GCKR: variants seen among roughly 807,000 people sequenced by gnomAD.
The protein encoded by GCKR is glucokinase regulator, also known as glucokinase regulatory protein.
Under a neutral mutation model 82.9 loss-of-function variants are expected in GCKR, and 73 were observed. The observed-to-expected ratio is 0.88, with a 90% confidence interval of 0.73 to 1.07. The LOEUF (loss-of-function observed/expected upper bound fraction) is 1.07, where lower values mean the gene tolerates loss of function less well. Among genes scored for constraint, GCKR ranks in the 50% least tolerant of loss-of-function variants. GCKR has a pLI of 0.00. For synonymous variants in GCKR, 294 were observed against 291.8 expected, an observed-to-expected ratio of 1.01 and a Z score of -0.08; for missense variants, 784 against 782.1, an observed-to-expected ratio of 1.00 and a Z score of -0.03.
At chr2:27,511,176 C>G (rs192065670) in intron 16 of GCKR, among the ~76,000 whole-genome samples, 1 of 151,912 alleles carries the variant, frequency 6.6e-6, no homozygotes, top group South Asian at 2.1e-4. Flanking sequence ...TACAGGCACA[C>G]GCCTCTATGC....
At position 27,503,540 on chromosome 2, in the gene GCKR, C is replaced by T. The variant is rs987416895; in HGVS notation, c.671C>T (p.Ser224Leu). The part of the protein sequence containing the change: ...ARNDPIEDWS[S>L]TFRQVAERMQ... The stretch of plus-strand genomic sequence containing the variant: ...AATGACCCCATTGAAGACTGGAGTT[C>T]AACATTCCGACAAGTAGCAGAGCGG... Residue 224 changes from serine to leucine, a missense_variant, in exon 9 of 19, where the codon TCA (serine) becomes TTA (leucine). Coordinates refer to ENST00000264717, the MANE Select transcript of GCKR (RefSeq NM_001486.4). 6.2e-7 allele frequency: 1 copy of T among 1,605,400 alleles called. No individual in the cohort carries two copies. Among genetic ancestry groups the T allele is most frequent in the East Asian group, 2.2e-5 (1 of 44,850 alleles).
At position 27,508,091 on chromosome 2, in the gene GCKR, G is replaced by T; in HGVS notation, c.1338+17G>T. The T allele has an allele frequency of 6.2e-7, 1 of 1,601,836 alleles. No individual in the cohort carries two copies. The highest frequency in any genetic ancestry group is 1.1e-5 in the South Asian group (1 of 90,810). On this transcript the variant is annotated intron_variant, in intron 15 of 18. Transcript: ENST00000264717. The stretch of plus-strand genomic sequence containing the variant: ...ACCTTGCTGGTGAGAGTCCAGCCGT[G>T]ACAAAGGGACCCAGGTGGCAGTTGC...
chr2:27,514,480 A>G (rs1669958856), intron 16 of GCKR, among the ~76,000 whole-genome samples: 1 of 152,172 alleles, frequency 6.6e-6, no homozygotes. Flanking sequence ...GTGTGTACAT[A>G]TAAGTTTGCA....
At chr2:27,515,765 A>ATTT (rs60183178) in intron 16 of GCKR, among the ~76,000 whole-genome samples, 15 of 106,920 alleles carry the variant, frequency 1.4e-4, no homozygotes, top group African/African-American at 5.3e-4. Context: ...ATATATATAT[A>ATTT]TTTTTTTTTT....
intron 14 of GCKR, 97 bp from the exon 15 acceptor site, chr2:27,507,880 G>A (rs1299822859): frequency 2.7e-6 from 3 of 1,127,082 alleles, no homozygotes; most frequent in Non-Finnish European, 4.1e-6. Flanking sequence ...TCAGAGGGAG[G>A]GACGGGGTGA....
Position 27,518,863 on chromosome 2 carries a change from A to G in GCKR, c.1498A>G (p.Ile500Val). 3 of 1,613,392 alleles carry G rather than the reference A, an allele frequency of 1.9e-6. No individual in the cohort carries two copies. The highest frequency in any genetic ancestry group is 2.5e-6 in the Non-Finnish European group (3 of 1,179,404). The change falls in exon 17 of 19, where the codon ATC (isoleucine) becomes GTC (valine). Residue 500 changes from isoleucine to valine, a missense_variant. By Grantham distance (29) the Ile-to-Val change is conservative (BLOSUM62 3). Coordinates refer to ENST00000264717, the MANE Select transcript of GCKR (RefSeq NM_001486.4). ...AGGTGCTCATGTGCTTCTTGGTAAG[A>G]TCCTACAAAACCACATGTTGGACCT... is the stretch of plus-strand genomic sequence containing the variant. Reference protein sequence around the residue: ...STGAHVLLGKILQNHMLDLRI... With the variant: ...STGAHVLLGKVLQNHMLDLRI...
intron 18 of GCKR, 30 bp from the exon 19 acceptor site, chr2:27,523,239 G>A (rs940656832): frequency 6.2e-7 from 1 of 1,600,946 alleles, no homozygotes; most frequent in Admixed American, 1.7e-5. Flanking sequence ...ATTCCCTCAG[G>A]CTTCAGTGCC....
intron 16 of GCKR, among the ~76,000 whole-genome samples, chr2:27,516,270 G>A (rs1670003554): frequency 9.5e-6 from 1 of 105,720 alleles, no homozygotes; most frequent in Non-Finnish European, 2.0e-5. Context: ...AATAGGGTTT[G>A]TTCTTCATTC....
intron 16 of GCKR, among the ~76,000 whole-genome samples, chr2:27,508,595 A>G (rs1669807693): frequency 6.6e-6 from 1 of 152,148 alleles, no homozygotes; most frequent in African/African-American, 2.4e-5. Flanking sequence ...ATCTTGGCTC[A>G]CTGCAACCTC....
At chr2:27,500,298 A>G (rs1424704456) in intron 7 of GCKR, among the ~76,000 whole-genome samples, 1 of 152,004 alleles carries the variant, frequency 6.6e-6, no homozygotes, top group African/African-American at 2.4e-5. Context: ...ACTAAAAAAG[A>G]AAACTGGGGA....
At position 27,522,574 on chromosome 2, in the gene GCKR, G is replaced by T; in HGVS notation, c.1687G>T (p.Val563Phe). The change falls in exon 18 of 19, where the codon GTT (valine) becomes TTT (phenylalanine). Residue 563 changes from valine (V) to phenylalanine (F), a missense_variant. Coordinates refer to ENST00000264717, the MANE Select transcript of GCKR (RefSeq NM_001486.4). ...TGCTCCCATCTCCTGCCATGTCCAG[G>T]TTGCACATGAGAAGGAACAGGTATC... The part of the protein sequence containing the change: ...RAAPISCHVQ[V>F]AHEKEQVIPI... 6.2e-7 allele frequency: 1 copy of T among 1,613,994 alleles called. No homozygotes were observed. The highest frequency in any genetic ancestry group is 8.5e-7 in the Non-Finnish European group (1 of 1,179,894).
At chr2:27,497,095 C>A in intron 1 of GCKR, 131 bp downstream of exon 1, 3 of 1,212,492 alleles carry the variant, frequency 2.5e-6, no homozygotes, top group Non-Finnish European at 2.5e-6. Flanking sequence ...ATGCCCAGAG[C>A]ACCAAGTGCA....
At chr2:27,521,062 TA>T (rs1469458095) in intron 17 of GCKR, among the ~76,000 whole-genome samples, 1 of 150,932 alleles carries the variant, frequency 6.6e-6, no homozygotes, top group East Asian at 2.0e-4. Context: ...AAATTAAAAT[TA>T]AAAAAAGCCA....
intron 5 of GCKR, 136 bp from the exon 6 acceptor site, chr2:27,499,006 C>A: frequency 1.4e-6 from 1 of 730,806 alleles, no homozygotes; most frequent in Non-Finnish European, 2.5e-6. Flanking sequence ...GAGTGTCTAT[C>A]ATGCACCAAC....
In GCKR at chr2:27,507,683, T is replaced by G. The variant is rs1305491905; in HGVS notation, c.1146T>G (p.Gly382=). The change falls in exon 14 of 19, where the codon GGT becomes GGG. Residue 382 remains glycine, a splice_region_variant and synonymous_variant. Transcript: ENST00000264717. The part of the protein sequence containing the change: ...FNQKAELTNQ[G]PQFTFSQEDF... ...CCTCCCATCTTCTTCTGCCCCAGGG[T>G]CCCCAGTTCACCTTCTCCCAGGAGG... The G allele has an allele frequency of 6.3e-7, 1 of 1,577,422 alleles. No homozygotes were observed. The highest frequency in any genetic ancestry group is 8.7e-7 in the Non-Finnish European group (1 of 1,147,356).
rs1669519329 is a variant in GCKR at position 27,499,467 on chromosome 2, G to C, written c.549+17G>C. 2 of 1,553,002 alleles carry C rather than the reference G, an allele frequency of 1.3e-6. No individual in the cohort carries two copies. The highest frequency in any genetic ancestry group is 4.5e-5 in the East Asian group (2 of 44,612). On this transcript the variant is annotated intron_variant, in intron 7 of 18. Transcript: ENST00000264717. ...GGACTCTCTGTGAGTAAAAAGATGG[G>C]TTGAGTGGATCAATTTTAGAGAGAG...
intron 7 of GCKR, among the ~76,000 whole-genome samples, chr2:27,499,657 C>G (rs1572859345): frequency 6.6e-6 from 1 of 152,330 alleles, no homozygotes; most frequent in Middle Eastern, 3.4e-3. Flanking sequence ...AACTGTGTAT[C>G]AATCAATCAA....
In GCKR at chr2:27,506,888, G is replaced by A. The variant is rs1669761449; in HGVS notation, c.1066+3G>A. On this transcript the variant is annotated splice_donor_region_variant and intron_variant, in intron 12 of 18. Transcript: ENST00000264717. ...GTGCATCCACACCTTTGGTGCTGGT[G>A]GGACCCCAGTCCAGATGTTCTTCCT... 2 of 1,574,980 alleles carry A rather than the reference G, an allele frequency of 1.3e-6. No homozygotes were observed. The highest frequency in any genetic ancestry group is 2.2e-5 in the South Asian group (2 of 90,292).
chr2:27,505,403 CAAA>C (rs200176153), intron 9 of GCKR, among the ~76,000 whole-genome samples: 4 of 54,502 alleles, frequency 7.3e-5, no homozygotes, highest in Non-Finnish European at 1.6e-4. Flanking sequence ...GACTCCATCT[CAAA>C]AAAAAAAAAA....
Sources: allele counts gnomAD v4.1 joint callset (sites outside exome capture counted in the v4.1 genomes callset), GRCh38; gene constraint gnomAD v4.1.1; transcripts MANE v1.5; gene names NCBI Gene and HGNC (gene_info 2026-07-23, HGNC 2026-07-21).